Variants in PCNX1 observed in about 807,000 individuals in gnomAD.
PCNX1 encodes the protein pecanex 1, also known as pecanex-like protein 1.
Under a neutral mutation model 242.2 loss-of-function variants are expected in PCNX1, and 78 were observed. The ratio of observed to expected loss-of-function variants is 0.32; its 90% CI spans 0.27 to 0.39. The LOEUF (loss-of-function observed/expected upper bound fraction) is 0.39. Ranked by LOEUF, PCNX1 falls within the 10% of genes least tolerant of loss-of-function variation. The pLI, the probability that PCNX1 is intolerant of heterozygous loss-of-function variation, is 1.00. For missense variants in PCNX1, 2,581 were observed against 2,856.5 expected (o/e 0.90, Z 2.20); for synonymous variants, 1,024 against 1,032.9 (o/e 0.99, Z 0.17).
intron 19 of PCNX1, among the ~76,000 whole-genome samples, chr14:71,042,453 G>A (rs1347987398): frequency 6.6e-6 from 1 of 151,714 alleles, no homozygotes; most frequent in Non-Finnish European, 1.5e-5. Flanking sequence ...CTTTTGACTT[G>A]CAGTTTATTT....
chr14:71,011,671 CTA>C lies in PCNX1; in HGVS notation c.2778+124_2778+125del, dbSNP rs1175878923. The C allele has an allele frequency of 4.7e-6, 3 of 643,402 alleles. No individual in the cohort carries two copies. The African/African-American group carries it at 5.6e-5, about 12-fold the overall frequency. The allele number at this position is 643,402 out of a possible 1,614,324, so 39.9% of individuals were successfully genotyped here. ...AAGTTACACAAAAATTTTTTGAAAA[CTA>C]TGGCAAAATCACTTTGCTGCCCTCC... On this transcript the variant is annotated intron_variant, in intron 10 of 35. Coordinates refer to ENST00000304743, the MANE Select transcript of PCNX1 (RefSeq NM_014982.3).
chr14:70,917,248 C>T (rs967755872), intron 1 of PCNX1, among the ~76,000 whole-genome samples: 2 of 152,138 alleles, frequency 1.3e-5, no homozygotes, highest in East Asian at 3.8e-4. Flanking sequence ...ATTTCTACCT[C>T]CCATGAATCA....
At chr14:70,942,949 G>T (rs1423021584) in intron 1 of PCNX1, 1 of 152,430 alleles carries the variant, frequency 6.6e-6, no homozygotes, top group Non-Finnish European at 1.5e-5. Context: ...CACCAGATCT[G>T]ATGGTTTTAT....
At chr14:70,938,651 G>A (rs773797054) in intron 1 of PCNX1, among the ~76,000 whole-genome samples, 6 of 152,190 alleles carry the variant, frequency 3.9e-5, no homozygotes, top group Non-Finnish European at 8.8e-5. Flanking sequence ...CATAAAATGA[G>A]TTAGGGAGGA....
At position 70,932,677 on chromosome 14, in the gene PCNX1, A is replaced by G. The variant is rs969818754; in HGVS notation, c.154-14238A>G. Among the ~76,000 whole-genome samples the G allele has an allele frequency of 5.3e-5, 8 of 151,994 alleles. No homozygotes were observed. In the South Asian group the frequency reaches 8.3e-4, roughly 16 times the overall value. Reference sequence around the variant, plus strand: ...GCCCAGGCTGGAATGCAATGGTGCAATCTTGGCTCACTGCAACCTCCGTCT... The same window carrying G: ...GCCCAGGCTGGAATGCAATGGTGCAGTCTTGGCTCACTGCAACCTCCGTCT... On this transcript the variant is annotated intron_variant, in intron 1 of 35. Coordinates refer to ENST00000304743, the MANE Select transcript of PCNX1 (RefSeq NM_014982.3).
intron 13 of PCNX1, among the ~76,000 whole-genome samples, chr14:71,024,840 C>T (rs1015767172): frequency 1.3e-5 from 2 of 152,150 alleles, no homozygotes; most frequent in Non-Finnish European, 2.9e-5. Context: ...AGAAATGTGT[C>T]CAGATATTCA....
chr14:70,985,623 C>G (rs1468112362), intron 6 of PCNX1, among the ~76,000 whole-genome samples: 1 of 152,170 alleles, frequency 6.6e-6, no homozygotes, highest in Non-Finnish European at 1.5e-5. Context: ...TCAAAATATA[C>G]AACTCTCTGG....
Position 70,969,128 on chromosome 14 carries a change from T to C in PCNX1, c.604+18T>C. On this transcript the variant is annotated intron_variant, in intron 5 of 35. Transcript: ENST00000304743. Reference sequence around the variant, plus strand: ...AGAACAAGGTAAGAACGTTATACTTTACCATGATGTCATATACTGTGGTGA... The same window carrying C: ...AGAACAAGGTAAGAACGTTATACTTCACCATGATGTCATATACTGTGGTGA... 1 of 1,422,942 alleles carries C rather than the reference T, an allele frequency of 7.0e-7. No homozygotes were observed. The highest frequency in any genetic ancestry group is 9.9e-7 in the Non-Finnish European group (1 of 1,005,436). 88.1% of individuals were successfully genotyped at this position (1,422,942 alleles called of 1,614,324 possible). A position where few individuals can be genotyped will look rare whatever the true frequency, so the allele number is the denominator to read the frequency against.
intron 5 of PCNX1, among the ~76,000 whole-genome samples, chr14:70,975,527 T>C (rs1162730851): frequency 1.3e-5 from 2 of 152,288 alleles, no homozygotes; most frequent in African/African-American, 4.8e-5. Context: ...TCCTTTCTTT[T>C]AATCTTAGGG....
At position 71,008,655 on chromosome 14, in the gene PCNX1, CAAAAAAA is replaced by C. The variant is rs777494885; in HGVS notation, c.2630-958_2630-952del. On this transcript the variant is annotated intron_variant, in intron 8 of 35. Transcript: ENST00000304743. ...TGGGTGACAGAGCGAGACTCTGTCT[CAAAAAAA>C]AAAAAAAAAAAAAAAAAAAAGGGAT... Among the ~76,000 whole-genome samples the C allele has an allele frequency of 4.5e-3, 147 of 32,748 alleles. 1 individual carries two copies. Among genetic ancestry groups the C allele is most frequent in the East Asian group, 0.016 (9 of 572 alleles). 21.5% of individuals were successfully genotyped at this position (32,748 alleles called of 152,430 possible).
chr14:71,046,591 T>C (rs1444820123), intron 20 of PCNX1, among the ~76,000 whole-genome samples: 3 of 152,110 alleles, frequency 2.0e-5, no homozygotes, highest in Non-Finnish European at 4.4e-5. Flanking sequence ...TTATTGGCAA[T>C]GAAAGCTGCT....
chr14:70,927,189 A>G (rs959957986), intron 1 of PCNX1, among the ~76,000 whole-genome samples: 2 of 152,224 alleles, frequency 1.3e-5, no homozygotes, highest in African/African-American at 4.8e-5. Context: ...TTCCGTATTA[A>G]CATTCCTTAG....
At chr14:70,961,658 T>C (rs1403751710) in intron 2 of PCNX1, among the ~76,000 whole-genome samples, 3 of 152,212 alleles carry the variant, frequency 2.0e-5, no homozygotes, top group African/African-American at 4.8e-5. Context: ...AGATCTAAAA[T>C]CTTAGGTTTC....
At chr14:71,043,825 G>T (rs865812661) in intron 19 of PCNX1, among the ~76,000 whole-genome samples, 2 of 152,018 alleles carry the variant, frequency 1.3e-5, no homozygotes, top group African/African-American at 4.8e-5. Context: ...ACAATTCATA[G>T]ATTTCCTTTT....
chr14:71,047,849 A>C lies in PCNX1; in HGVS notation c.4203A>C (p.Leu1401=). ...TCACTGTTGCTGGTTTGAAGTTGCT[A>C]CGATCCTCTTTTAGCAGCCCTACAT... ...LMITVAGLKL[L]RSSFSSPTYQ... is the part of the protein sequence containing the mutation. Residue 1401 remains leucine (L), a synonymous_variant, in exon 22 of 36, where the codon CTA becomes CTC. Coordinates refer to ENST00000304743, the MANE Select transcript of PCNX1 (RefSeq NM_014982.3). The C allele has an allele frequency of 6.2e-7, 1 of 1,612,988 alleles. No homozygotes were observed. Among genetic ancestry groups the C allele is most frequent in the Non-Finnish European group, 8.5e-7 (1 of 1,179,256 alleles).
At chr14:71,091,944 A>G (rs1182149014) in intron 30 of PCNX1, among the ~76,000 whole-genome samples, 2 of 152,220 alleles carry the variant, frequency 1.3e-5, no homozygotes, top group Admixed American at 6.5e-5. Flanking sequence ...GTGTATTTCA[A>G]TAAAAAGTGA....
At chr14:71,056,152 C>T (rs954404158) in intron 25 of PCNX1, among the ~76,000 whole-genome samples, 2 of 152,184 alleles carry the variant, frequency 1.3e-5, no homozygotes, top group African/African-American at 2.4e-5. Flanking sequence ...AGCATATCAT[C>T]CAGAACCTCA....
intron 2 of PCNX1, among the ~76,000 whole-genome samples, chr14:70,949,269 GCACACA>G (rs761727017): frequency 3.6e-5 from 1 of 27,840 alleles, no homozygotes; most frequent in African/African-American, 9.9e-5. Context: ...ACACGTGTAT[GCACACA>G]CGTGTATACA....
In PCNX1 at chr14:71,111,176, C is replaced by T. The variant is rs751705691; in HGVS notation, c.*1241C>T. 26 of 152,356 alleles carry T rather than the reference C, an allele frequency of 1.7e-4. No homozygotes were observed. Among genetic ancestry groups the T allele is most frequent in the South Asian group, 6.2e-4 (3 of 4,820 alleles). The allele number at this position is 152,356 out of a possible 1,614,324, so 9.4% of individuals were successfully genotyped here. A position where few individuals can be genotyped will look rare whatever the true frequency, so the allele number is the denominator to read the frequency against. ...AATTGACTTAATTCATATGTTGTCTCATAACTTTATTTTTTTTAAATGCAT... is the reference window on the plus strand; with the variant it reads ...AATTGACTTAATTCATATGTTGTCTTATAACTTTATTTTTTTTAAATGCAT... On this transcript the variant is annotated 3_prime_UTR_variant, in exon 36 of 36. Coordinates refer to ENST00000304743, the MANE Select transcript of PCNX1 (RefSeq NM_014982.3).
Sources: gnomAD v4.1 joint callset for allele counts (sites outside exome capture counted in the v4.1 genomes callset) on GRCh38, gnomAD v4.1.1 for gene constraint, MANE v1.5 for transcripts, NCBI Gene and HGNC (gene_info 2026-07-23, HGNC 2026-07-21) for gene names.